Variants in ACOXL observed in about 807,000 individuals in gnomAD.
ACOXL encodes acyl-coenzyme A oxidase-like protein.
In ACOXL, 70 loss-of-function variants were observed where a neutral mutation model predicts 71.9. That is an observed-to-expected ratio of 0.97 (90% CI 0.80 to 1.19). The LOEUF is 1.19. Among genes scored for constraint, ACOXL ranks in the 50% most tolerant of loss-of-function variants. The pLI, the probability that ACOXL is intolerant of heterozygous loss-of-function variation, is 0.00. For synonymous variants in ACOXL, 253 were observed against 281.6 expected, an observed-to-expected ratio of 0.90 and a Z score of 1.02; for missense variants, 703 against 736.3, an observed-to-expected ratio of 0.95 and a Z score of 0.52.
intron 10 of ACOXL, among the ~76,000 whole-genome samples, chr2:110,898,991 T>C (rs2059124693): frequency 6.6e-6 from 1 of 152,176 alleles, no homozygotes; most frequent in African/African-American, 2.4e-5. Flanking sequence ...AATTTATAAT[T>C]GCTCAAAAAG....
At chr2:110,834,572 C>A (rs1690225284) in intron 9 of ACOXL, among the ~76,000 whole-genome samples, 1 of 152,352 alleles carries the variant, frequency 6.6e-6, no homozygotes, top group South Asian at 2.1e-4. Context: ...GCAGCTCTGT[C>A]CTGCCATAGT....
intron 12 of ACOXL, among the ~76,000 whole-genome samples, chr2:110,947,410 A>C (rs2061150082): frequency 6.6e-6 from 1 of 152,120 alleles, no homozygotes; most frequent in African/African-American, 2.4e-5. Context: ...CTTGTCATGG[A>C]AGGGGAGCTG....
intron 16 of ACOXL, among the ~76,000 whole-genome samples, chr2:111,057,883 AG>A (rs1358228802): frequency 1.3e-5 from 2 of 152,246 alleles, no homozygotes; most frequent in Non-Finnish European, 2.9e-5. Context: ...AGAACCAGCT[AG>A]GAAGTACAAA....
chr2:111,087,054 T>A (rs1388169200), intron 16 of ACOXL, among the ~76,000 whole-genome samples: 1 of 152,092 alleles, frequency 6.6e-6, no homozygotes, highest in Non-Finnish European at 1.5e-5. Flanking sequence ...CCATTCACAA[T>A]GGACACAAAA....
At chr2:110,880,700 C>T (rs1038348419) in intron 10 of ACOXL, among the ~76,000 whole-genome samples, 6 of 152,174 alleles carry the variant, frequency 3.9e-5, no homozygotes, top group African/African-American at 1.4e-4. Context: ...GTAATCCCAG[C>T]ACTTTGGGAG....
At chr2:110,799,246 C>T (rs781669276) in intron 7 of ACOXL, 146 bp downstream of exon 7, 2 of 733,942 alleles carry the variant, frequency 2.7e-6, no homozygotes, top group African/African-American at 1.8e-5. Flanking sequence ...TTTGAAGCCT[C>T]ATGAAGTCTT....
At chr2:111,045,618 CTTT>C (rs2065980871) in intron 15 of ACOXL, among the ~76,000 whole-genome samples, 1 of 152,016 alleles carries the variant, frequency 6.6e-6, no homozygotes, top group Non-Finnish European at 1.5e-5. Context: ...TCAGGTATGT[CTTT>C]ATGAAAACCT....
intron 1 of ACOXL, among the ~76,000 whole-genome samples, chr2:110,760,666 C>T (rs1680287169): frequency 6.6e-6 from 1 of 152,196 alleles, no homozygotes; most frequent in Admixed American, 6.5e-5. Context: ...ATGGCCATGG[C>T]CAAGACAAGT....
intron 15 of ACOXL, among the ~76,000 whole-genome samples, chr2:111,041,697 C>T (rs75447149): frequency 0.015 from 2,266 of 152,306 alleles, 60 homozygotes; most frequent in African/African-American, 0.052. Context: ...TAGGGGACAG[C>T]GTGCCACTGT....
chr2:110,907,430 G>A (rs774143518), intron 10 of ACOXL, among the ~76,000 whole-genome samples: 2 of 152,150 alleles, frequency 1.3e-5, no homozygotes, highest in Non-Finnish European at 2.9e-5. Flanking sequence ...ACCACTACTG[G>A]CTTTGGGATT....
intron 10 of ACOXL, among the ~76,000 whole-genome samples, chr2:110,896,728 G>A (rs1558690854): frequency 2.0e-5 from 3 of 152,130 alleles, no homozygotes; most frequent in East Asian, 1.9e-4. Flanking sequence ...TGCAAAATAC[G>A]TGAAGTGAAA....
Position 110,799,021 on chromosome 2 carries a change from CT to C in ACOXL, c.469del (p.Cys157ValfsTer22). 2 of 1,614,002 alleles carry C rather than the reference CT, an allele frequency of 1.2e-6. No individual in the cohort carries two copies. Among genetic ancestry groups the C allele is most frequent in the Non-Finnish European group, 1.7e-6 (2 of 1,179,956 alleles). ...TCTCGATGCCTTCCTTAGGGCCCCACTGTTTCATCGTTCCTGTCCGGGATGA... is the reference window on the plus strand; with the variant it reads ...TCTCGATGCCTTCCTTAGGGCCCCACGTTTCATCGTTCCTGTCCGGGATGA... Reference protein sequence around the residue: ...IIDGRSQGPHCFIVPVRDENG... With the variant: ...IIDGRSQGPHXFIVPVRDENG... On this transcript the variant is annotated frameshift_variant, in exon 7 of 18. Transcript: ENST00000439055. LOFTEE classifies it high-confidence loss of function.
At chr2:110,967,971 A>G (rs979194872) in intron 12 of ACOXL, 1 of 924,340 alleles carries the variant, frequency 1.1e-6, no homozygotes, top group Admixed American at 1.7e-5. Context: ...AATACAACAC[A>G]CCCAAATATA....
chr2:111,102,514 G>A (rs1479357660), intron 17 of ACOXL, among the ~76,000 whole-genome samples: 1 of 152,164 alleles, frequency 6.6e-6, no homozygotes. Flanking sequence ...GGTCTCCTTG[G>A]GGAGATGCTT....
At chr2:110,865,739 ATG>A (rs1694511179) in intron 10 of ACOXL, among the ~76,000 whole-genome samples, 2 of 152,274 alleles carry the variant, frequency 1.3e-5, no homozygotes, top group Admixed American at 6.5e-5. Flanking sequence ...ACATGCATTT[ATG>A]TGTGTGTTTG....
At chr2:110,750,669 A>G (rs1001905914) in intron 1 of ACOXL, among the ~76,000 whole-genome samples, 45 of 149,346 alleles carry the variant, frequency 3.0e-4, no homozygotes, top group African/African-American at 1.1e-3. Context: ...GTGTATGTGT[A>G]TGGGTGTGTG....
chr2:111,089,071 C>T (rs1002903273), intron 16 of ACOXL, among the ~76,000 whole-genome samples: 5 of 152,176 alleles, frequency 3.3e-5, no homozygotes, highest in African/African-American at 4.8e-5. Context: ...GAGGCCGAGG[C>T]AGGTGGATCA....
At chr2:111,048,865 G>T (rs2066149211) in intron 15 of ACOXL, among the ~76,000 whole-genome samples, 1 of 152,136 alleles carries the variant, frequency 6.6e-6, no homozygotes, top group Non-Finnish European at 1.5e-5. Context: ...TACAAAGGCA[G>T]GTGGAGTCTT....
intron 10 of ACOXL, among the ~76,000 whole-genome samples, chr2:110,865,697 A>G (rs1177032541): frequency 2.0e-5 from 3 of 152,214 alleles, no homozygotes; most frequent in African/African-American, 4.8e-5. Flanking sequence ...CAGCACTGCC[A>G]TGGATTTAAT....
Sources: gnomAD v4.1 joint callset for allele counts (sites outside exome capture counted in the v4.1 genomes callset) on GRCh38, gnomAD v4.1.1 for gene constraint, MANE v1.5 for transcripts, NCBI Gene and HGNC (gene_info 2026-07-23, HGNC 2026-07-21) for gene names.